PCDH7: variants seen among roughly 807,000 people sequenced by gnomAD.
PCDH7 encodes the protein protocadherin-7.
In PCDH7, 17 loss-of-function variants were observed where a neutral mutation model predicts 58.9. The ratio of observed to expected loss-of-function variants is 0.29; its 90% CI spans 0.20 to 0.43. PCDH7 has a LOEUF of 0.43. Ranked by LOEUF, PCDH7 falls within the 20% of genes least tolerant of loss-of-function variation. PCDH7 has a pLI of 1.00. For missense variants in PCDH7, 1,274 were observed against 1,441.0 expected, an observed-to-expected ratio of 0.88 and a Z score of 1.88; for synonymous variants, 664 against 616.4, an observed-to-expected ratio of 1.08 and a Z score of -1.14.
At chr4:31,102,406 AT>A (rs1351385411) in intron 3 of PCDH7, among the ~76,000 whole-genome samples, 1 of 152,134 alleles carries the variant, frequency 6.6e-6, no homozygotes, top group Non-Finnish European at 1.5e-5. Flanking sequence ...TGAAAATGAA[AT>A]GAGGAAAAGC....
At chr4:30,797,857 G>A (rs1444744327) in intron 1 of PCDH7, among the ~76,000 whole-genome samples, 1 of 152,152 alleles carries the variant, frequency 6.6e-6, no homozygotes, top group Non-Finnish European at 1.5e-5. Flanking sequence ...TAGATGTTGA[G>A]TTTATCACAT....
intron 3 of PCDH7, among the ~76,000 whole-genome samples, chr4:31,111,308 T>C (rs1456463287): frequency 2.5e-5 from 1 of 40,782 alleles, no homozygotes; most frequent in East Asian, 3.6e-3. Context: ...GTTACAATTT[T>C]TTTTTTTTTT....
exon 1 of PCDH7, chr4:30,724,356 G>A (rs1714298163): frequency 5.6e-6 from 9 of 1,614,096 alleles, no homozygotes; most frequent in East Asian, 2.2e-5. Context: ...CAAGCATGGG[G>A]CGATACAGGT....
At chr4:30,750,957 T>C (rs1273168596) in intron 1 of PCDH7, among the ~76,000 whole-genome samples, 1 of 141,108 alleles carries the variant, frequency 7.1e-6, no homozygotes, top group Non-Finnish European at 1.6e-5. Context: ...GAAAGGCAGG[T>C]ACTTTTTGGT....
intron 3 of PCDH7, among the ~76,000 whole-genome samples, chr4:31,052,736 G>C (rs1225398016): frequency 6.6e-6 from 1 of 152,124 alleles, no homozygotes; most frequent in Non-Finnish European, 1.5e-5. Context: ...AATATGATGA[G>C]CTGCTGCTGA....
chr4:30,908,334 A>G (rs1273445544), intron 1 of PCDH7, among the ~76,000 whole-genome samples: 2 of 152,202 alleles, frequency 1.3e-5, no homozygotes, highest in South Asian at 4.2e-4. Flanking sequence ...AAAAATTGCA[A>G]TGAAGAAAAA....
intron 3 of PCDH7, among the ~76,000 whole-genome samples, chr4:31,036,432 C>T (rs1360151232): frequency 1.3e-5 from 2 of 152,062 alleles, no homozygotes; most frequent in African/African-American, 4.8e-5. Context: ...GTTTTCTGCC[C>T]AAAACTCGGC....
intron 1 of PCDH7, among the ~76,000 whole-genome samples, chr4:30,886,088 A>C (rs1336734435): frequency 1.3e-5 from 2 of 151,642 alleles, no homozygotes; most frequent in Admixed American, 6.6e-5. Context: ...TAAAACACCA[A>C]AAGCAATGTC....
chr4:31,059,522 G>A (rs1757518231), intron 3 of PCDH7, among the ~76,000 whole-genome samples: 1 of 151,704 alleles, frequency 6.6e-6, no homozygotes, highest in Non-Finnish European at 1.5e-5. Context: ...TAAAGATTAA[G>A]CTCCATGTCA....
chr4:31,067,758 C>G (rs1054765382), intron 3 of PCDH7, among the ~76,000 whole-genome samples: 1 of 151,964 alleles, frequency 6.6e-6, no homozygotes, highest in African/African-American at 2.4e-5. Flanking sequence ...AACAAACAAG[C>G]TTCTTCCTTT....
chr4:30,870,382 T>C (rs894955865), intron 1 of PCDH7, among the ~76,000 whole-genome samples: 1 of 152,164 alleles, frequency 6.6e-6, no homozygotes, highest in Non-Finnish European at 1.5e-5. Context: ...TGAATGGTAT[T>C]GCCTAGGTTT....
chr4:31,106,140 A>G (rs915513205), intron 3 of PCDH7, among the ~76,000 whole-genome samples: 4 of 152,050 alleles, frequency 2.6e-5, no homozygotes, highest in Admixed American at 1.3e-4. Flanking sequence ...ACAAAAATTC[A>G]AAGTATGTTT....
chr4:31,028,257 TTC>T (rs553057652), intron 3 of PCDH7, among the ~76,000 whole-genome samples: 125 of 152,308 alleles, frequency 8.2e-4, no homozygotes, highest in Non-Finnish European at 1.4e-3. Context: ...TTTAAGAATG[TTC>T]TTTTATTTAA....
intron 2 of PCDH7, among the ~76,000 whole-genome samples, chr4:30,949,959 G>T (rs924197740): frequency 6.6e-6 from 1 of 152,114 alleles, no homozygotes; most frequent in African/African-American, 2.4e-5. Flanking sequence ...ATACTAATTT[G>T]TTTAGATTGT....
intron 3 of PCDH7, among the ~76,000 whole-genome samples, chr4:31,107,529 A>G (rs1477640745): frequency 6.6e-6 from 1 of 152,220 alleles, no homozygotes; most frequent in East Asian, 1.9e-4. Context: ...TTCTTCTGAG[A>G]CAGAAACAGG....
At chr4:31,093,309 T>C (rs1430072922) in intron 3 of PCDH7, among the ~76,000 whole-genome samples, 1 of 152,160 alleles carries the variant, frequency 6.6e-6, no homozygotes, top group Non-Finnish European at 1.5e-5. Context: ...ACAGCACTGT[T>C]TGCTTCCCTC....
At chr4:30,971,433 C>G (rs551810736) in intron 3 of PCDH7, among the ~76,000 whole-genome samples, 1 of 152,198 alleles carries the variant, frequency 6.6e-6, no homozygotes, top group South Asian at 2.1e-4. Flanking sequence ...CTAAAATGTC[C>G]CAGGTAATGC....
At chr4:31,001,291 G>C (rs923529586) in intron 3 of PCDH7, among the ~76,000 whole-genome samples, 1 of 151,972 alleles carries the variant, frequency 6.6e-6, no homozygotes, top group East Asian at 1.9e-4. Context: ...GTAGGTATGA[G>C]TGCTGAAAGT....
chr4:30,783,568 A>G (rs1002432505), intron 1 of PCDH7, among the ~76,000 whole-genome samples: 2 of 152,334 alleles, frequency 1.3e-5, no homozygotes, highest in East Asian at 3.9e-4. Context: ...AAAAACAGAC[A>G]TCTGTTTCTT....
Sources: gnomAD v4.1 joint callset for allele counts (sites outside exome capture counted in the v4.1 genomes callset) on GRCh38, gnomAD v4.1.1 for gene constraint, MANE v1.5 for transcripts, NCBI Gene and HGNC (gene_info 2026-07-23, HGNC 2026-07-21) for gene names.